Variants in SH2B2 observed in about 807,000 individuals in gnomAD.
SH2B2 encodes the protein SH2B adapter protein 2.
Under a neutral mutation model 35.7 loss-of-function variants are expected in SH2B2, and 37 were observed. That is an observed-to-expected ratio of 1.04 (90% CI 0.80 to 1.36). The LOEUF (loss-of-function observed/expected upper bound fraction) is 1.36, where lower values mean the gene tolerates loss of function less well. Among genes scored for constraint, SH2B2 ranks in the 40% most tolerant of loss-of-function variants. SH2B2 has a pLI of 0.00. For synonymous variants in SH2B2, 383 were observed against 376.4 expected (o/e 1.02, Z -0.20); for missense variants, 852 against 817.7 (o/e 1.04, Z -0.51).
At chr7:102,321,179 G>A in intron 8 of SH2B2, 120 bp from the exon 9 acceptor site, 4 of 873,762 alleles carry the variant, frequency 4.6e-6, no homozygotes, top group Non-Finnish European at 6.1e-6. Flanking sequence ...TGTGTCCGAG[G>A]ACATGGGCTG....
At chr7:102,316,118 TAAAC>T (rs1479177560) in intron 6 of SH2B2, among the ~76,000 whole-genome samples, 1 of 151,064 alleles carries the variant, frequency 6.6e-6, no homozygotes, top group Non-Finnish European at 1.5e-5. Context: ...CTACAAAAAA[TAAAC>T]AAAAATTAGC....
rs1348030518 is a variant in SH2B2 at position 102,317,480 on chromosome 7, C to T, written c.1395+85C>T. 2.3e-6 allele frequency: 3 copies of T among 1,283,364 alleles called. No homozygotes were observed. The African/African-American group carries it at 4.5e-5, about 19-fold the overall frequency. 79.5% of individuals were successfully genotyped at this position (1,283,364 alleles called of 1,614,324 possible). A position where few individuals can be genotyped will look rare whatever the true frequency, so the allele number is the denominator to read the frequency against. ...GGTGACCCCGGTCCTGAGGCTGTGC[C>T]CTGGAAGCAGCTGCAGGCGAACAGG... On this transcript the variant is annotated intron_variant, in intron 7 of 8. Transcript: ENST00000444095.
chr7:102,287,373 C>T (rs1487574608), intron 1 of SH2B2, among the ~76,000 whole-genome samples: 1 of 152,148 alleles, frequency 6.6e-6, no homozygotes, highest in East Asian at 1.9e-4. Flanking sequence ...GCTGCGCCCC[C>T]GCCCCCTGCT....
Position 102,321,284 on chromosome 7 carries a change from G to T in SH2B2, c.1568-15G>T. The T allele has an allele frequency of 7.3e-7, 1 of 1,367,476 alleles. No homozygotes were observed. The highest frequency in any genetic ancestry group is 1.7e-5 in the South Asian group (1 of 60,468). 84.7% of individuals were successfully genotyped at this position (1,367,476 alleles called of 1,614,324 possible). On this transcript the variant is annotated splice_polypyrimidine_tract_variant and intron_variant, in intron 8 of 8. Coordinates refer to ENST00000444095, the MANE Select transcript of SH2B2 (RefSeq NM_001359228.2). The stretch of plus-strand genomic sequence containing the variant: ...CCCAGGTCCCCACTCACGCCCTGCC[G>T]TCGCCTTGTTGCAGAGCCGGGCCCC...
At chr7:102,316,102 C>T (rs1563567358) in intron 6 of SH2B2, among the ~76,000 whole-genome samples, 1 of 151,774 alleles carries the variant, frequency 6.6e-6, no homozygotes, top group South Asian at 2.1e-4. Context: ...CAACAAGACT[C>T]TGTCTCTACA....
chr7:102,321,275 C>T, intron 8 of SH2B2, 24 bp from the exon 9 acceptor site: 1 of 1,357,522 alleles, frequency 7.4e-7, no homozygotes, highest in Non-Finnish European at 9.4e-7. Context: ...TCCCCACTCA[C>T]GCCCTGCCGT....
chr7:102,304,274 A>T (rs1475949566), intron 2 of SH2B2, among the ~76,000 whole-genome samples: 1 of 152,072 alleles, frequency 6.6e-6, no homozygotes, highest in Non-Finnish European at 1.5e-5. Flanking sequence ...ACAGCCTTTG[A>T]GGTGCCAGCC....
chr7:102,309,038 G>A, intron 4 of SH2B2, 132 bp downstream of exon 4: 1 of 789,834 alleles, frequency 1.3e-6, no homozygotes, highest in Non-Finnish European at 2.3e-6. Context: ...GATTCAGGTT[G>A]GTGCCAGCCA....
chr7:102,285,592 T>C (rs1380704678), upstream of SH2B2, among the ~76,000 whole-genome samples: 1 of 152,220 alleles, frequency 6.6e-6, no homozygotes, highest in Non-Finnish European at 1.5e-5. Context: ...GTGAAGGCTC[T>C]GTCCCCTCCA....
At position 102,301,020 on chromosome 7, in the gene SH2B2, C is replaced by T; in HGVS notation, c.470C>T (p.Ser157Leu). 7.2e-7 allele frequency: 1 copy of T among 1,391,364 alleles called. No homozygotes were observed. The highest frequency in any genetic ancestry group is 9.3e-7 in the Non-Finnish European group (1 of 1,075,080). 86.2% of individuals were successfully genotyped at this position (1,391,364 alleles called of 1,614,324 possible). ...CGCGACATGTGGCACCGGCGCGCCT[C>T]GCCCGAGCCCGACGCGGCAGCTGCC... Reference protein sequence around the residue: ...GVRDMWHRRASPEPDAAAAPR... With the variant: ...GVRDMWHRRALPEPDAAAAPR... Residue 157 changes from serine to leucine, a missense_variant, in exon 2 of 9, where the codon TCG becomes TTG. Physicochemically the swap from Ser to Leu is moderately radical, Grantham distance 145. Transcript: ENST00000444095.
intron 6 of SH2B2, among the ~76,000 whole-genome samples, chr7:102,315,757 A>AG (rs1554556859): frequency 1.3e-5 from 2 of 149,622 alleles, no homozygotes; most frequent in East Asian, 1.9e-4. Context: ...AAAAAAAAAA[A>AG]AAAAAGAAAA....
chr7:102,302,618 C>T (rs1554554144), intron 2 of SH2B2, among the ~76,000 whole-genome samples: 4 of 152,246 alleles, frequency 2.6e-5, no homozygotes. Flanking sequence ...TGGGCATCTG[C>T]ACAGACACAC....
Position 102,313,194 on chromosome 7 carries a change from C to G in SH2B2, c.924-1142C>G, listed in dbSNP as rs1472411887. Among the ~76,000 whole-genome samples the G allele has an allele frequency of 4.6e-5, 7 of 151,130 alleles. No homozygotes were observed. In the East Asian group the frequency reaches 1.4e-3, roughly 29 times the overall value. ...AGGTGCAGTGGCTCACGCCTGTAAT[C>G]CCCACACTCTGGGAGGCCAAGGCGG... On this transcript the variant is annotated intron_variant, in intron 4 of 8. Transcript: ENST00000444095.
intron 1 of SH2B2, among the ~76,000 whole-genome samples, chr7:102,287,878 C>A (rs1478140521): frequency 2.6e-5 from 4 of 152,190 alleles, no homozygotes; most frequent in African/African-American, 9.6e-5. Flanking sequence ...TCAGGAGCCA[C>A]GCAAGGCAGA....
chr7:102,306,714 C>T lies in SH2B2; in HGVS notation c.730-7C>T, dbSNP rs903767247. 1.3e-6 allele frequency: 2 copies of T among 1,574,562 alleles called. No individual in the cohort carries two copies. The highest frequency in any genetic ancestry group is 2.3e-5 in the East Asian group (1 of 42,928). ...GGGCCACTCACTATCCTTCTTCTGG[C>T]CCCCAGGCCTCCAGGCCCAAGGTCA... On this transcript the variant is annotated splice_polypyrimidine_tract_variant and splice_region_variant and intron_variant, in intron 2 of 8. Coordinates refer to ENST00000444095, the MANE Select transcript of SH2B2 (RefSeq NM_001359228.2).
chr7:102,293,181 C>A (rs1193784223), intron 1 of SH2B2: 1 of 120,048 alleles, frequency 8.3e-6, no homozygotes, highest in African/African-American at 3.2e-5. Flanking sequence ...GCTGCGCGGG[C>A]GGGGGCTGAA....
chr7:102,297,191 C>T lies in SH2B2; in HGVS notation c.-29-3331C>T, dbSNP rs1554552615. 6.6e-6 allele frequency among the ~76,000 whole-genome samples: 1 copy of T among 152,098 alleles called. No homozygotes were observed. Among genetic ancestry groups the T allele is most frequent in the Non-Finnish European group, 1.5e-5 (1 of 68,028 alleles). The stretch of plus-strand genomic sequence containing the variant: ...GTTCTGCCTGGGATGTGAATTATCC[C>T]TTTGTCTGGCATATCCGCACTCTGG... On this transcript the variant is annotated intron_variant, in intron 1 of 8. Transcript: ENST00000444095. The surrounding 1 kb of genome is among the most constrained non-coding windows in gnomAD (Gnocchi z 4.3).
intron 1 of SH2B2, among the ~76,000 whole-genome samples, chr7:102,299,550 A>C (rs558681673): frequency 6.6e-6 from 1 of 152,146 alleles, no homozygotes; most frequent in Non-Finnish European, 1.5e-5. Context: ...ACTTTAGAGG[A>C]AGTAAGATCA....
intron 2 of SH2B2, among the ~76,000 whole-genome samples, chr7:102,303,932 G>A (rs1034142538): frequency 3.2e-4 from 49 of 152,272 alleles, no homozygotes; most frequent in East Asian, 1.7e-3. Context: ...AGAGGGCAGC[G>A]TTCCTGCAGG....
Sources: gnomAD v4.1 joint callset for allele counts (sites outside exome capture counted in the v4.1 genomes callset) on GRCh38, gnomAD v4.1.1 for gene constraint, Gnocchi (gnomAD v3.1) non-coding constraint, MANE v1.5 for transcripts, NCBI Gene and HGNC (gene_info 2026-07-23, HGNC 2026-07-21) for gene names.